The following CAMK2D variants were observed in gnomAD, a reference collection of about 807,000 sequenced individuals.
CAMK2D encodes the protein calcium/calmodulin dependent protein kinase II delta.
CAMK2D carries 37 observed loss-of-function variants against 84.0 expected under a neutral mutation model. That is an observed-to-expected ratio of 0.44 (90% CI 0.34 to 0.58). CAMK2D has a LOEUF of 0.58. CAMK2D is among the 20% of genes least tolerant of loss of function. CAMK2D has a pLI of 0.02. For missense variants in CAMK2D, 448 were observed against 652.5 expected (o/e 0.69, Z 3.41); for synonymous variants, 202 against 212.5 (o/e 0.95, Z 0.43).
At chr4:113,460,115 A>C in intron 18 of CAMK2D, 32 bp downstream of exon 18, 1 of 1,246,306 alleles carries the variant, frequency 8.0e-7, no homozygotes, top group South Asian at 1.2e-5. Context: ...AGGTTTAAAA[A>C]GGGCATGTTA....
chr4:113,452,298 G>C lies in CAMK2D; in HGVS notation c.*2247C>G, dbSNP rs147249536. The C allele has an allele frequency of 6.6e-6, 1 of 152,174 alleles. No individual in the cohort carries two copies. The highest frequency in any genetic ancestry group is 2.4e-5 in the African/African-American group (1 of 41,448). 9.4% of individuals were successfully genotyped at this position (152,174 alleles called of 1,614,324 possible). A position where few individuals can be genotyped will look rare whatever the true frequency, so the allele number is the denominator to read the frequency against. On this transcript the variant is annotated 3_prime_UTR_variant, in exon 21 of 21. Transcript: ENST00000511664. Reference sequence around the variant, plus strand: ...ACAATTAACTTGCCATTCTCACCAAGTGCAAATTGTTATGTACTAAATGAG... The same window carrying C: ...ACAATTAACTTGCCATTCTCACCAACTGCAAATTGTTATGTACTAAATGAG...
At chr4:113,688,283 C>G (rs1267394107) in intron 2 of CAMK2D, among the ~76,000 whole-genome samples, 1 of 152,162 alleles carries the variant, frequency 6.6e-6, no homozygotes, top group Admixed American at 6.5e-5. Context: ...TCATCTGGTA[C>G]TAACCTCATT....
At chr4:113,564,544 T>C (rs1209808254) in intron 4 of CAMK2D, among the ~76,000 whole-genome samples, 1 of 152,108 alleles carries the variant, frequency 6.6e-6, no homozygotes, top group Non-Finnish European at 1.5e-5. Context: ...TACCCATATC[T>C]CCTACTAAAC....
intron 2 of CAMK2D, among the ~76,000 whole-genome samples, chr4:113,700,054 G>T (rs1205954006): frequency 6.6e-6 from 1 of 151,912 alleles, no homozygotes; most frequent in Non-Finnish European, 1.5e-5. Context: ...TGTTTCTGTG[G>T]AAACGCAAGT....
At chr4:113,479,144 GAACCGGGTAA>G (rs1342820348) in intron 16 of CAMK2D, among the ~76,000 whole-genome samples, 1 of 152,164 alleles carries the variant, frequency 6.6e-6, no homozygotes, top group African/African-American at 2.4e-5. Context: ...AGGAAACACT[GAACCGGGTAA>G]TCACAATTTC....
intron 2 of CAMK2D, among the ~76,000 whole-genome samples, chr4:113,675,588 G>A (rs1218695802): frequency 2.6e-5 from 4 of 151,814 alleles, no homozygotes; most frequent in African/African-American, 9.7e-5. Flanking sequence ...TAGTATAAAT[G>A]GTAAAGTTCC....
At chr4:113,487,295 T>C (rs1446185063) in intron 16 of CAMK2D, among the ~76,000 whole-genome samples, 1 of 152,020 alleles carries the variant, frequency 6.6e-6, no homozygotes, top group African/African-American at 2.4e-5. Context: ...CAGAAATCCA[T>C]AGCAGAAAAT....
At position 113,515,056 on chromosome 4, in the gene CAMK2D, A is replaced by G; in HGVS notation, c.819+13T>C. The G allele has an allele frequency of 1.2e-6, 2 of 1,611,848 alleles. No homozygotes were observed. Among genetic ancestry groups the G allele is most frequent in the Non-Finnish European group, 1.7e-6 (2 of 1,178,082 alleles). On this transcript the variant is annotated intron_variant, in intron 10 of 20. Transcript: ENST00000511664. ...CATTTTAGTTCTTGAAGTTTTGGAG[A>G]AGTTTTACTTACACAGATCCATGGG...
rs867283634 is a variant in CAMK2D at position 113,517,473 on chromosome 4, T to C, written c.696+90A>G. 35 of 575,960 alleles carry C rather than the reference T, an allele frequency of 6.1e-5. No homozygotes were observed. The Middle Eastern group carries it at 2.2e-3, about 37-fold the overall frequency. 35.7% of individuals were successfully genotyped at this position (575,960 alleles called of 1,614,324 possible). On this transcript the variant is annotated intron_variant, in intron 9 of 20. Transcript: ENST00000511664. Reference sequence around the variant, plus strand: ...TAATATGAGAAAGTGGTAAAAATTATGGTTAAAAGAAAAATGAAAAGATCT... The same window carrying C: ...TAATATGAGAAAGTGGTAAAAATTACGGTTAAAAGAAAAATGAAAAGATCT...
At chr4:113,746,756 T>C (rs1447552237) in intron 2 of CAMK2D, among the ~76,000 whole-genome samples, 1 of 151,922 alleles carries the variant, frequency 6.6e-6, no homozygotes, top group East Asian at 1.9e-4. Flanking sequence ...TCTCTAATTC[T>C]ATTAGAATGA....
intron 4 of CAMK2D, among the ~76,000 whole-genome samples, chr4:113,572,002 T>C (rs778082367): frequency 5.3e-5 from 8 of 152,202 alleles, no homozygotes; most frequent in Non-Finnish European, 1.0e-4. Flanking sequence ...GAGAGACATG[T>C]TGGGCCTAAT....
At chr4:113,753,385 G>A (rs986304119) in intron 2 of CAMK2D, among the ~76,000 whole-genome samples, 1 of 151,644 alleles carries the variant, frequency 6.6e-6, no homozygotes, top group Admixed American at 6.6e-5. Flanking sequence ...CCAGAAAAGG[G>A]GCTCAGGTAA....
At chr4:113,726,233 T>G (rs980907625) in intron 2 of CAMK2D, among the ~76,000 whole-genome samples, 7 of 152,156 alleles carry the variant, frequency 4.6e-5, no homozygotes. Flanking sequence ...ATTGACTTAC[T>G]GGAAAATTCA....
intron 4 of CAMK2D, among the ~76,000 whole-genome samples, chr4:113,560,231 ATT>A (rs60828884): frequency 2.1e-5 from 3 of 144,108 alleles, no homozygotes; most frequent in Non-Finnish European, 3.1e-5. Flanking sequence ...TTCTCACAGC[ATT>A]TTTTTTTTTT....
intron 4 of CAMK2D, among the ~76,000 whole-genome samples, chr4:113,575,767 T>C (rs943703582): frequency 6.6e-6 from 1 of 152,202 alleles, no homozygotes. Flanking sequence ...CATTAGATTA[T>C]AAAACCTGTT....
chr4:113,691,442 T>C (rs1486761026), intron 2 of CAMK2D, among the ~76,000 whole-genome samples: 1 of 152,166 alleles, frequency 6.6e-6, no homozygotes, highest in African/African-American at 2.4e-5. Context: ...ATTCTACTGA[T>C]ATATCTAAAT....
chr4:113,639,184 C>T (rs2099122109), intron 3 of CAMK2D, among the ~76,000 whole-genome samples: 1 of 151,564 alleles, frequency 6.6e-6, no homozygotes, highest in Admixed American at 6.6e-5. Flanking sequence ...TGAGGCTACA[C>T]TGAGCTATGA....
chr4:113,736,023 T>C (rs2099580372), intron 2 of CAMK2D, among the ~76,000 whole-genome samples: 1 of 151,938 alleles, frequency 6.6e-6, no homozygotes. Context: ...CAACGAAATA[T>C]AGACGGGAAA....
intron 4 of CAMK2D, among the ~76,000 whole-genome samples, chr4:113,599,566 C>A (rs528668954): frequency 3.3e-5 from 5 of 152,232 alleles, no homozygotes; most frequent in African/African-American, 9.6e-5. Context: ...ACAGTTGATT[C>A]TTGAACAACA....
Sources: allele counts gnomAD v4.1 joint callset (sites outside exome capture counted in the v4.1 genomes callset), GRCh38; gene constraint gnomAD v4.1.1; transcripts MANE v1.5; gene names NCBI Gene and HGNC (gene_info 2026-07-23, HGNC 2026-07-21).